Variants in KCNIP4 observed in about 807,000 individuals in gnomAD.
KCNIP4 encodes the protein potassium voltage-gated channel interacting protein 4, also known as Kv channel-interacting protein 4.
A neutral mutation model predicts 34.0 loss-of-function variants in KCNIP4; 12 were observed. That is an observed-to-expected ratio of 0.35 (90% CI 0.23 to 0.57). The LOEUF (loss-of-function observed/expected upper bound fraction) is 0.57. Among genes scored for constraint, KCNIP4 ranks in the 20% least tolerant of loss-of-function variants. The pLI, the probability that KCNIP4 is intolerant of heterozygous loss-of-function variation, is 0.83. For synonymous variants in KCNIP4, 124 were observed against 102.2 expected (o/e 1.21, Z -1.29); for missense variants, 238 against 311.7 (o/e 0.76, Z 1.78).
In KCNIP4 at chr4:21,277,281, A is replaced by C. The variant is rs28729633; in HGVS notation, c.62-394572T>G. ...AGGTCTGCTCAGTCATACAGAATGCAATCAGCATATTATTATCTCACTCTG... is the reference window on the plus strand; with the variant it reads ...AGGTCTGCTCAGTCATACAGAATGCCATCAGCATATTATTATCTCACTCTG... On this transcript the variant is annotated intron_variant, in intron 1 of 8. Coordinates refer to ENST00000382152, the MANE Select transcript of KCNIP4 (RefSeq NM_025221.6). Among the ~76,000 whole-genome samples the C allele has an allele frequency of 6.2e-3, 935 of 152,026 alleles. 13 individuals carry two copies. Among genetic ancestry groups the C allele is most frequent in the African/African-American group, 0.021 (876 of 41,300 alleles).
At position 21,171,762 on chromosome 4, in the gene KCNIP4, G is replaced by A. The variant is rs555980618; in HGVS notation, c.62-289053C>T. ...TCCATGTTGCCCGGGAAGAATAAAT[G>A]TAGTGACATGTGTGTGAGATCTTAG... On this transcript the variant is annotated intron_variant, in intron 1 of 8. Coordinates refer to ENST00000382152, the MANE Select transcript of KCNIP4 (RefSeq NM_025221.6). 2.0e-5 allele frequency among the ~76,000 whole-genome samples: 3 copies of A among 152,246 alleles called. No homozygotes were observed. In the East Asian group the frequency reaches 5.8e-4, roughly 30 times the overall value.
At chr4:21,343,438 A>C (rs139098215) in intron 1 of KCNIP4, among the ~76,000 whole-genome samples, 1,644 of 152,266 alleles carry the variant, frequency 0.011, 24 homozygotes, top group African/African-American at 0.037. Context: ...TGACAGGGAA[A>C]GCATCTCTTT....
intron 1 of KCNIP4, among the ~76,000 whole-genome samples, chr4:21,030,691 T>TA (rs1169966589): frequency 1.3e-5 from 2 of 152,182 alleles, no homozygotes; most frequent in African/African-American, 4.8e-5. Flanking sequence ...ATCATCATCA[T>TA]TATAACTTAT....
chr4:20,777,536 G>A (rs1756477285), intron 3 of KCNIP4, among the ~76,000 whole-genome samples: 1 of 152,134 alleles, frequency 6.6e-6, no homozygotes. Flanking sequence ...TGACATAATG[G>A]AAATATGGTC....
chr4:21,253,092 C>T (rs972582978), intron 1 of KCNIP4, among the ~76,000 whole-genome samples: 12 of 152,192 alleles, frequency 7.9e-5, no homozygotes, highest in Non-Finnish European at 1.5e-4. Context: ...TCTGTGACAT[C>T]AATGAGTGTT....
intron 1 of KCNIP4, among the ~76,000 whole-genome samples, chr4:21,721,797 C>G (rs1714839266): frequency 6.6e-6 from 1 of 152,142 alleles, no homozygotes; most frequent in African/African-American, 2.4e-5. Context: ...ACTTGCCATT[C>G]ACATGGCTAA....
Position 21,466,677 on chromosome 4 carries a change from T to C in KCNIP4, c.61+481894A>G, listed in dbSNP as rs147927398. Among the ~76,000 whole-genome samples the C allele has an allele frequency of 2.8e-4, 43 of 152,250 alleles. No homozygotes were observed. The East Asian group carries it at 4.3e-3, about 15-fold the overall frequency. ...TATTAAGGGTATAAAGCATTGCTTCTGCAGTGTCCTGGAAACCCCATCCCA... is the reference window on the plus strand; with the variant it reads ...TATTAAGGGTATAAAGCATTGCTTCCGCAGTGTCCTGGAAACCCCATCCCA... On this transcript the variant is annotated intron_variant, in intron 1 of 8. Coordinates refer to ENST00000382152, the MANE Select transcript of KCNIP4 (RefSeq NM_025221.6).
chr4:21,947,032 G>A lies in KCNIP4; in HGVS notation c.61+1539C>T, dbSNP rs537048073. On this transcript the variant is annotated intron_variant, in intron 1 of 8. Transcript: ENST00000382152. ...AGAGCTGTGGTCACTGAGGAGCCAAGCAATGCAAGCCATCCAGATCCTGAG... is the reference window on the plus strand; with the variant it reads ...AGAGCTGTGGTCACTGAGGAGCCAAACAATGCAAGCCATCCAGATCCTGAG... 5.3e-4 allele frequency among the ~76,000 whole-genome samples: 81 copies of A among 152,284 alleles called. 1 individual carries two copies. The highest frequency in any genetic ancestry group is 1.9e-3 in the African/African-American group (77 of 41,552).
intron 3 of KCNIP4, among the ~76,000 whole-genome samples, chr4:20,836,352 T>C (rs1006724522): frequency 1.3e-5 from 2 of 152,214 alleles, no homozygotes; most frequent in African/African-American, 4.8e-5. Flanking sequence ...CTTCTTTCAT[T>C]ACTGGTTTTC....
intron 1 of KCNIP4, among the ~76,000 whole-genome samples, chr4:21,936,885 C>T (rs1729890370): frequency 6.6e-6 from 1 of 152,080 alleles, no homozygotes; most frequent in South Asian, 2.1e-4. Context: ...CTTACCTCTA[C>T]AATTTCTTCT....
At chr4:20,842,809 G>A (rs1478440766) in intron 3 of KCNIP4, among the ~76,000 whole-genome samples, 2 of 152,094 alleles carry the variant, frequency 1.3e-5, no homozygotes, top group Non-Finnish European at 2.9e-5. Context: ...AAAGGCAGAG[G>A]CAGATTTGAG....
chr4:21,617,552 T>C (rs896349464), intron 1 of KCNIP4, among the ~76,000 whole-genome samples: 3 of 152,196 alleles, frequency 2.0e-5, no homozygotes, highest in African/African-American at 7.2e-5. Context: ...AAATGAATCA[T>C]AAACAAATTA....
At chr4:21,752,991 GT>G (rs368077136) in intron 1 of KCNIP4, among the ~76,000 whole-genome samples, 10 of 152,192 alleles carry the variant, frequency 6.6e-5, no homozygotes, top group East Asian at 3.9e-4. Flanking sequence ...CAATTAGAGG[GT>G]TTTTTTTTAT....
chr4:20,944,296 C>T (rs1313771589), intron 1 of KCNIP4, among the ~76,000 whole-genome samples: 1 of 152,104 alleles, frequency 6.6e-6, no homozygotes, highest in Non-Finnish European at 1.5e-5. Context: ...TGATTTCCAT[C>T]CATGACATGG....
At chr4:21,853,209 T>C (rs1334609305) in intron 1 of KCNIP4, 1 of 152,144 alleles carries the variant, frequency 6.6e-6, no homozygotes, top group Non-Finnish European at 1.5e-5. Context: ...GGGAGTTCAG[T>C]AACATAAGGC....
chr4:21,198,481 A>T (rs1756221913), intron 1 of KCNIP4, among the ~76,000 whole-genome samples: 2 of 152,340 alleles, frequency 1.3e-5, no homozygotes, highest in South Asian at 4.1e-4. Context: ...AGTACTTTAT[A>T]GACTTTTTGT....
chr4:20,844,546 C>T (rs6819339), intron 3 of KCNIP4, among the ~76,000 whole-genome samples: 2,663 of 152,184 alleles, frequency 0.017, 74 homozygotes, highest in African/African-American at 0.057. Context: ...TGAAAGCGTT[C>T]AAGAATAACC....
At chr4:20,921,252 T>A (rs1729366803) in intron 1 of KCNIP4, among the ~76,000 whole-genome samples, 1 of 152,136 alleles carries the variant, frequency 6.6e-6, no homozygotes, top group Admixed American at 6.5e-5. Context: ...AAGCTTGTAA[T>A]ATAGGGCTGA....
rs778538252 is a variant in KCNIP4 at position 21,681,273 on chromosome 4, ATT to A, written c.61+267296_61+267297del. 8.7e-3 allele frequency among the ~76,000 whole-genome samples: 1,241 copies of A among 141,834 alleles called. 20 individuals carry two copies. The highest frequency in any genetic ancestry group is 0.027 in the African/African-American group (1,040 of 38,932). 93.0% of individuals were successfully genotyped at this position (141,834 alleles called of 152,430 possible). On this transcript the variant is annotated intron_variant, in intron 1 of 8. Transcript: ENST00000382152. The stretch of plus-strand genomic sequence containing the variant: ...GCACCACCATGCCAGGCTAATTTTA[ATT>A]TTTTTTTTTTTTTTAAAGACAAGGC...
Sources: gnomAD v4.1 joint callset for allele counts (sites outside exome capture counted in the v4.1 genomes callset) on GRCh38, gnomAD v4.1.1 for gene constraint, MANE v1.5 for transcripts, NCBI Gene and HGNC (gene_info 2026-07-23, HGNC 2026-07-21) for gene names.